Variants in KRT7 observed in about 807,000 individuals in gnomAD.
The protein encoded by KRT7 is keratin, type II cytoskeletal 7.
KRT7 carries 50 observed loss-of-function variants against 42.8 expected under a neutral mutation model. The ratio of observed to expected loss-of-function variants is 1.17; its 90% CI spans 0.93 to 1.48. The LOEUF is 1.48. KRT7 is among the 40% of genes most tolerant of loss of function. The pLI is 0.00. For missense variants in KRT7, 588 were observed against 637.6 expected (o/e 0.92, Z 0.84); for synonymous variants, 268 against 266.3 (o/e 1.01, Z -0.06).
rs775879409 is a variant in KRT7 at position 52,248,728 on chromosome 12, G to A, written c.1378G>A (p.Ala460Thr). 1.5e-5 allele frequency: 24 copies of A among 1,594,080 alleles called. No individual in the cohort carries two copies. The highest frequency in any genetic ancestry group is 1.2e-4 in the Admixed American group (7 of 58,346). Residue 460 changes from alanine to threonine, a missense_variant, in exon 9 of 9, where the codon GCA (alanine) becomes ACA (threonine). Ala to Thr is a moderately conservative substitution (Grantham distance 58, BLOSUM62 0). Coordinates refer to ENST00000331817, the MANE Select transcript of KRT7 (RefSeq NM_005556.4). Reference sequence around the variant, plus strand: ...CCTGAAGGCTTATTCCATCCGGACCGCATCCGCCAGTCGCAGGAGTGCCCG... The same window carrying A: ...CCTGAAGGCTTATTCCATCCGGACCACATCCGCCAGTCGCAGGAGTGCCCG... ...GLLKAYSIRTASASRRSARD is the reference protein window; with the variant it reads ...GLLKAYSIRTTSASRRSARD
intron 1 of KRT7, among the ~76,000 whole-genome samples, chr12:52,234,139 T>TCCCCC (rs2121060967): frequency 1.1e-5 from 1 of 95,126 alleles, no homozygotes; most frequent in South Asian, 4.0e-4. Flanking sequence ...GGGGGGGGGC[T>TCCCCC]CCCGCCCCTC....
At chr12:52,242,872 G>C in intron 5 of KRT7, 140 bp from the exon 6 acceptor site, 1 of 928,244 alleles carries the variant, frequency 1.1e-6, no homozygotes, top group Non-Finnish European at 1.6e-6. Flanking sequence ...TGGTCTCCTG[G>C]CATCGGGCAA....
At chr12:52,254,355 A>G, downstream of KRT7, 2 of 817,886 alleles carry the variant, frequency 2.4e-6, no homozygotes, top group Non-Finnish European at 4.1e-6. Context: ...AGGTAGGCAC[A>G]GTCCACATCC....
At chr12:52,255,577 C>T (rs1942323815), downstream of KRT7, among the ~76,000 whole-genome samples, 1 of 152,184 alleles carries the variant, frequency 6.6e-6, no homozygotes, top group South Asian at 2.1e-4. Context: ...GCATTCAAAC[C>T]AACCCATGTT....
At chr12:52,241,852 T>C in intron 5 of KRT7, 1 of 444,958 alleles carries the variant, frequency 2.2e-6, no homozygotes, top group South Asian at 3.9e-5. Flanking sequence ...ATAGCTAAAA[T>C]ATGGCAAGTA....
chr12:52,233,382 C>A lies in KRT7; in HGVS notation c.86C>A (p.Ala29Asp). The change falls in exon 1 of 9, where the codon GCT becomes GAT. Residue 29 changes from alanine to aspartate, a missense_variant. Coordinates refer to ENST00000331817, the MANE Select transcript of KRT7 (RefSeq NM_005556.4). The stretch of plus-strand genomic sequence containing the variant: ...GGCGCCCAGGTGCGCCTGAGCTCCG[C>A]TCGCCCCGGCGGCCTTGGCAGCAGC... ...GRGAQVRLSSARPGGLGSSSL... is the reference protein window; with the variant it reads ...GRGAQVRLSSDRPGGLGSSSL... 1 of 1,568,628 alleles carries A rather than the reference C, an allele frequency of 6.4e-7. No homozygotes were observed. The highest frequency in any genetic ancestry group is 2.5e-5 in the East Asian group (1 of 39,412).
chr12:52,243,090 C>T lies in KRT7; in HGVS notation c.937C>T (p.Arg313Trp), dbSNP rs7963792. The T allele has an allele frequency of 2.1e-3, 3,405 of 1,613,766 alleles. 52 individuals are homozygous for T. In the African/African-American group the frequency reaches 0.037, roughly 18 times the overall value. Residue 313 changes from arginine (R) to tryptophan (W), a missense_variant, in exon 6 of 9, where the codon CGG becomes TGG. Transcript: ENST00000331817. ...CCGGAATGAGATTTCAGAGATGAACCGGGCCATCCAGAGGCTGCAGGCTGA... is the reference window on the plus strand; with the variant it reads ...CCGGAATGAGATTTCAGAGATGAACTGGGCCATCCAGAGGCTGCAGGCTGA... ...NTRNEISEMN[R>W]AIQRLQAEID...
At chr12:52,241,751 C>A in intron 5 of KRT7, 115 bp downstream of exon 5, 1 of 915,582 alleles carries the variant, frequency 1.1e-6, no homozygotes, top group Non-Finnish European at 1.6e-6. Flanking sequence ...CTGGCAGGCA[C>A]CAGTGGTTTA....
chr12:52,254,315 TC>T, downstream of KRT7: 1 of 985,274 alleles, frequency 1.0e-6, no homozygotes, highest in Non-Finnish European at 1.6e-6. Context: ...GGTCAGGGCC[TC>T]CACGTTGGCC....
chr12:52,233,471 G>A lies in KRT7; in HGVS notation c.175G>A (p.Val59Met). Residue 59 changes from valine to methionine, a missense_variant, in exon 1 of 9, where the codon GTG (valine) becomes ATG (methionine). Val to Met is a conservative substitution (Grantham distance 21, BLOSUM62 1). Transcript: ENST00000331817. ...VAVRSAYGGP[V>M]GAGIREVTIN... ...CGTGCGCTCTGCCTATGGGGGCCCG[G>A]TGGGCGCCGGCATCCGCGAGGTCAC... 4.3e-6 allele frequency: 7 copies of A among 1,609,800 alleles called. No homozygotes were observed. The highest frequency in any genetic ancestry group is 5.9e-6 in the Non-Finnish European group (7 of 1,178,946).
downstream of KRT7, chr12:52,250,335 G>A (rs1942244652): frequency 5.8e-6 from 2 of 342,356 alleles, no homozygotes; most frequent in African/African-American, 2.3e-5. Context: ...GGAAGGCGCG[G>A]CGTGGGGGCC....
intron 6 of KRT7, among the ~76,000 whole-genome samples, chr12:52,244,108 G>A (rs947135960): frequency 4.6e-5 from 7 of 152,076 alleles, no homozygotes; most frequent in East Asian, 1.9e-4. Context: ...GCACACATGT[G>A]GAAGCTTCGG....
chr12:52,234,827 C>T (rs1347606605), intron 1 of KRT7, among the ~76,000 whole-genome samples: 1 of 152,212 alleles, frequency 6.6e-6, no homozygotes, highest in Admixed American at 6.5e-5. Context: ...TCCTCATGAT[C>T]CATTGACAGG....
In KRT7 at chr12:52,245,595, G is replaced by A. The variant is rs771441481; in HGVS notation, c.1168G>A (p.Ala390Thr). ...SVKLALDIEI[A>T]TYRKLLEGEE... is the part of the protein sequence containing the mutation. The stretch of plus-strand genomic sequence containing the variant: ...GAAGCTGGCCCTGGACATCGAGATC[G>A]CCACCTACCGCAAGCTGCTGGAGGG... The change falls in exon 7 of 9, where the codon GCC becomes ACC. Residue 390 changes from alanine to threonine, a missense_variant. By Grantham distance (58) the Ala-to-Thr change is moderately conservative. Transcript: ENST00000331817. The A allele has an allele frequency of 5.0e-6, 8 of 1,613,746 alleles. No homozygotes were observed. The highest frequency in any genetic ancestry group is 4.4e-5 in the South Asian group (4 of 91,072).
downstream of KRT7, among the ~76,000 whole-genome samples, chr12:52,255,772 G>A (rs1942325222): frequency 1.3e-5 from 2 of 152,066 alleles, no homozygotes; most frequent in South Asian, 4.1e-4. Flanking sequence ...CCCACTCAGA[G>A]CCCAACATAG....
downstream of KRT7, chr12:52,249,030 G>A (rs893902535): frequency 3.7e-5 from 11 of 297,480 alleles, no homozygotes; most frequent in Non-Finnish European, 5.6e-5. Flanking sequence ...GACTGAGAAG[G>A]CACATGGTGG....
At chr12:52,254,320 G>C (rs116522120), downstream of KRT7, 9 of 977,716 alleles carry the variant, frequency 9.2e-6, 2 homozygotes, top group Admixed American at 1.2e-4. Context: ...GGGCCTCCAC[G>C]TTGGCCTCTA....
intron 4 of KRT7, 52 bp from the exon 5 acceptor site, chr12:52,241,420 C>T (rs943776098): frequency 9.1e-6 from 13 of 1,428,200 alleles, no homozygotes; most frequent in African/African-American, 7.2e-5. Context: ...CCAGGGTGGG[C>T]GTGGGCATAG....
chr12:52,241,704 A>G, intron 5 of KRT7, 68 bp downstream of exon 5: 1 of 1,419,682 alleles, frequency 7.0e-7, no homozygotes, highest in Non-Finnish European at 9.7e-7. Context: ...TTACTCCTCA[A>G]CTTGTCTCAA....
Sources: allele counts gnomAD v4.1 joint callset (sites outside exome capture counted in the v4.1 genomes callset), GRCh38; gene constraint gnomAD v4.1.1; transcripts MANE v1.5; gene names NCBI Gene and HGNC (gene_info 2026-07-23, HGNC 2026-07-21).